The following FGL2 variants were observed in gnomAD, a reference collection of about 807,000 sequenced individuals.
FGL2 encodes fibroleukin.
Under a neutral mutation model 36.0 loss-of-function variants are expected in FGL2, and 21 were observed. That is an observed-to-expected ratio of 0.58 (90% CI 0.41 to 0.84). The LOEUF (loss-of-function observed/expected upper bound fraction) is 0.84, where lower values mean the gene tolerates loss of function less well. Ranked by LOEUF, FGL2 falls within the 40% of genes least tolerant of loss-of-function variation. The probability of loss-of-function intolerance (pLI) is 0.00; values close to 1 mark genes in which losing one functional copy is unlikely to be tolerated. For missense variants in FGL2, 444 were observed against 526.3 expected (o/e 0.84, Z 1.53); for synonymous variants, 183 against 190.7 (o/e 0.96, Z 0.33).
At position 77,194,310 on chromosome 7, in the gene FGL2, T is replaced by C. The variant is rs189744993; in HGVS notation, c.*1969A>G. On this transcript the variant is annotated 3_prime_UTR_variant, in exon 2 of 2. Coordinates refer to ENST00000248598, the MANE Select transcript of FGL2 (RefSeq NM_006682.3). The stretch of plus-strand genomic sequence containing the variant: ...ATGACCTTATCTGAAACAAATACAT[T>C]GTATAATATCAAAACGTTTTTAGTC... The C allele has an allele frequency of 4.5e-4, 68 of 152,170 alleles. 1 individual carries two copies. The highest frequency in any genetic ancestry group is 1.5e-3 in the African/African-American group (63 of 41,570). 9.4% of individuals were successfully genotyped at this position (152,170 alleles called of 1,614,324 possible). A position where few individuals can be genotyped will look rare whatever the true frequency, so the allele number is the denominator to read the frequency against.
intron 1 of FGL2, chr7:77,198,833 G>T: frequency 3.3e-6 from 1 of 302,834 alleles, no homozygotes. Flanking sequence ...TGTGAACATC[G>T]CCTTATCTTT....
At chr7:77,198,393 G>T in intron 1 of FGL2, 3 of 867,212 alleles carry the variant, frequency 3.5e-6, no homozygotes, top group Non-Finnish European at 4.2e-6. Flanking sequence ...AGTGACTCAG[G>T]TGAAAAGCCA....
In FGL2 at chr7:77,195,925, G is replaced by A. The variant is rs3093280; in HGVS notation, c.*354C>T. 3,981 of 188,146 alleles carry A rather than the reference G, an allele frequency of 0.021. 153 individuals carry two copies. Among genetic ancestry groups the A allele is most frequent in the East Asian group, 0.13 (917 of 6,992 alleles). 11.7% of individuals were successfully genotyped at this position (188,146 alleles called of 1,614,324 possible). A position where few individuals can be genotyped will look rare whatever the true frequency, so the allele number is the denominator to read the frequency against. Reference sequence around the variant, plus strand: ...GCCTGCCTTGACATTCCAAAGTGCTGGGATTACAGGCGTGAGCTACCACAC... The same window carrying A: ...GCCTGCCTTGACATTCCAAAGTGCTAGGATTACAGGCGTGAGCTACCACAC... On this transcript the variant is annotated 3_prime_UTR_variant, in exon 2 of 2. Transcript: ENST00000248598.
chr7:77,196,207 CA>C lies in FGL2; in HGVS notation c.*71del. ...TAGCTATGAAAAATATGAAACAAGG[CA>C]TATTCTAAAGTGCTGAAGGAATTAA... On this transcript the variant is annotated 3_prime_UTR_variant, in exon 2 of 2. Coordinates refer to ENST00000248598, the MANE Select transcript of FGL2 (RefSeq NM_006682.3). The surrounding 1 kb of genome is among the most constrained non-coding windows in gnomAD (Gnocchi z 4.2). The C allele has an allele frequency of 1.9e-6, 2 of 1,064,228 alleles. No individual in the cohort carries two copies. The highest frequency in any genetic ancestry group is 2.7e-6 in the Non-Finnish European group (2 of 734,550). 65.9% of individuals were successfully genotyped at this position (1,064,228 alleles called of 1,614,324 possible).
At chr7:77,197,825 G>A (rs911480089) in intron 1 of FGL2, among the ~76,000 whole-genome samples, 1 of 151,992 alleles carries the variant, frequency 6.6e-6, no homozygotes, top group Non-Finnish European at 1.5e-5. Context: ...CACATGTTGG[G>A]TTTCTAGAAA....
chr7:77,195,747 C>G lies in FGL2; in HGVS notation c.*532G>C, dbSNP rs1479065912. On this transcript the variant is annotated 3_prime_UTR_variant, in exon 2 of 2. Coordinates refer to ENST00000248598, the MANE Select transcript of FGL2 (RefSeq NM_006682.3). ...TCTTGGCTCACTGCAACCTCTTCCT[C>G]TCAGGTTCAAGCGATTCTCCTGCCT... The G allele has an allele frequency of 6.5e-6, 1 of 152,724 alleles. No homozygotes were observed. Among genetic ancestry groups the G allele is most frequent in the Non-Finnish European group, 1.5e-5 (1 of 68,468 alleles). The allele number at this position is 152,724 out of a possible 1,614,324, so 9.5% of individuals were successfully genotyped here.
At position 77,196,921 on chromosome 7, in the gene FGL2, G is replaced by T; in HGVS notation, c.678C>A (p.Thr226=). Residue 226 remains threonine (T), a synonymous_variant, in exon 2 of 2, where the codon ACC becomes ACA. Transcript: ENST00000248598. The surrounding 1 kb of genome is among the most constrained non-coding windows in gnomAD (Gnocchi z 4.2). ...TTTTGGGATCAGGTGTAACTCTGTA[G>T]GTCTCACTGCTTCTTTTGCCTATTG... ...YYAIGKRSSE[T]YRVTPDPKNS... 6.2e-7 allele frequency: 1 copy of T among 1,613,714 alleles called. No homozygotes were observed. Among genetic ancestry groups the T allele is most frequent in the African/African-American group, 1.3e-5 (1 of 75,012 alleles).
rs915476971 is a variant in FGL2, at chr7:77,194,378, AT to A, written c.*1900del. The A allele has an allele frequency of 1.1e-4, 17 of 152,092 alleles. No individual in the cohort carries two copies. The highest frequency in any genetic ancestry group is 3.9e-4 in the African/African-American group (16 of 41,450). The allele number at this position is 152,092 out of a possible 1,614,324, so 9.4% of individuals were successfully genotyped here. ...AGTAAAAAACAACGTCAGTTACATC[AT>A]TTACATTTGGTATCCCACCTAATAG... On this transcript the variant is annotated 3_prime_UTR_variant, in exon 2 of 2. Coordinates refer to ENST00000248598, the MANE Select transcript of FGL2 (RefSeq NM_006682.3).
chr7:77,196,822 A>G lies in FGL2; in HGVS notation c.777T>C (p.Asp259=), dbSNP rs778428328. ...GGWTVLQARL[D]GSTNFTRTWQ... is the part of the protein sequence containing the mutation. ...ATGTTCTGGTGAAGTTGGTGCTCCC[A>G]TCGAGACGTGCCTGCAGCACTGTCC... Residue 259 remains aspartate (D), a synonymous_variant, in exon 2 of 2, where the codon GAT becomes GAC. Coordinates refer to ENST00000248598, the MANE Select transcript of FGL2 (RefSeq NM_006682.3). This position sits in a 1 kb window ranked among gnomAD's most constrained non-coding sequence, Gnocchi z 4.2. 1.4e-5 allele frequency: 22 copies of G among 1,614,074 alleles called. No individual in the cohort carries two copies. Among genetic ancestry groups the G allele is most frequent in the Non-Finnish European group, 1.9e-5 (22 of 1,180,014 alleles).
At chr7:77,197,307 A>C (rs1791892686) in intron 1 of FGL2, among the ~76,000 whole-genome samples, 1 of 152,266 alleles carries the variant, frequency 6.6e-6, no homozygotes, top group East Asian at 1.9e-4. Flanking sequence ...CGTTCTAGGC[A>C]TGCTGCCAGA....
rs1791812028 is a variant in FGL2 at position 77,193,692 on chromosome 7, T to C, written c.*2587A>G. ...TACTATTATCAGTAAAATTTGATTTTTTTTTCCCCTCAGTCATAGGTAAAT... is the reference window on the plus strand; with the variant it reads ...TACTATTATCAGTAAAATTTGATTTCTTTTTCCCCTCAGTCATAGGTAAAT... On this transcript the variant is annotated 3_prime_UTR_variant, in exon 2 of 2. Coordinates refer to ENST00000248598, the MANE Select transcript of FGL2 (RefSeq NM_006682.3). 1 of 152,144 alleles carries C rather than the reference T, an allele frequency of 6.6e-6. No homozygotes were observed. The allele number at this position is 152,144 out of a possible 1,614,324, so 9.4% of individuals were successfully genotyped here.
In FGL2 at chr7:77,199,178, T is replaced by A. The variant is rs1310107280; in HGVS notation, c.613+3A>T. On this transcript the variant is annotated splice_donor_region_variant and intron_variant, in intron 1 of 1. Coordinates refer to ENST00000248598, the MANE Select transcript of FGL2 (RefSeq NM_006682.3). Reference sequence around the variant, plus strand: ...TATGATAAGAAAACATTATTATACATACCTGGACGTGACTGTATTTGTTCT... The same window carrying A: ...TATGATAAGAAAACATTATTATACAAACCTGGACGTGACTGTATTTGTTCT... The A allele has an allele frequency of 6.2e-7, 1 of 1,611,270 alleles. No homozygotes were observed. Among genetic ancestry groups the A allele is most frequent in the East Asian group, 2.2e-5 (1 of 44,872 alleles).
At position 77,194,785 on chromosome 7, in the gene FGL2, A is replaced by C. The variant is rs2150428487; in HGVS notation, c.*1494T>G. 6.6e-6 allele frequency: 1 copy of C among 152,280 alleles called. No homozygotes were observed. The highest frequency in any genetic ancestry group is 1.9e-4 in the East Asian group (1 of 5,194). The allele number at this position is 152,280 out of a possible 1,614,324, so 9.4% of individuals were successfully genotyped here. ...AATGTTACTCTAGAGCATTTTTAAA[A>C]ATACGCAGAATACTGCTGTTCTCTC... On this transcript the variant is annotated 3_prime_UTR_variant, in exon 2 of 2. Coordinates refer to ENST00000248598, the MANE Select transcript of FGL2 (RefSeq NM_006682.3).
Position 77,194,168 on chromosome 7 carries a change from A to G in FGL2, c.*2111T>C, listed in dbSNP as rs1419527165. ...TACCTAGTTCCCATTAAATTAATGG[A>G]CACCGTGTATATGAGCATATACCTT... On this transcript the variant is annotated 3_prime_UTR_variant, in exon 2 of 2. Transcript: ENST00000248598. 6.6e-6 allele frequency: 1 copy of G among 152,084 alleles called. No homozygotes were observed. The highest frequency in any genetic ancestry group is 1.5e-5 in the Non-Finnish European group (1 of 67,924). The allele number at this position is 152,084 out of a possible 1,614,324, so 9.4% of individuals were successfully genotyped here.
Position 77,196,378 on chromosome 7 carries a change from C to A in FGL2, c.1221G>T (p.Trp407Cys). The change falls in exon 2 of 2, where the codon TGG (tryptophan) becomes TGT (cysteine). Residue 407 changes from tryptophan to cysteine, a missense_variant. Trp to Cys is a radical substitution (Grantham distance 215). Coordinates refer to ENST00000248598, the MANE Select transcript of FGL2 (RefSeq NM_006682.3). The surrounding 1 kb of genome is among the most constrained non-coding windows in gnomAD (Gnocchi z 4.2). ...KYRGVRNGIFWGTWPGVSEAH... is the reference protein window; with the variant it reads ...KYRGVRNGIFCGTWPGVSEAH... ...CCTCACTTACACCAGGCCAGGTACC[C>A]CAGAAAATCCCATTACGGACACCTC... The A allele has an allele frequency of 1.9e-6, 3 of 1,614,092 alleles. No individual in the cohort carries two copies. Among genetic ancestry groups the A allele is most frequent in the Non-Finnish European group, 2.5e-6 (3 of 1,180,012 alleles).
rs1004996529 is a variant in FGL2 at position 77,193,697 on chromosome 7, T to C, written c.*2582A>G. 27 of 152,222 alleles carry C rather than the reference T, an allele frequency of 1.8e-4. No individual in the cohort carries two copies. Among genetic ancestry groups the C allele is most frequent in the African/African-American group, 5.8e-4 (24 of 41,548 alleles). 9.4% of individuals were successfully genotyped at this position (152,222 alleles called of 1,614,324 possible). ...TTATCAGTAAAATTTGATTTTTTTTTCCCCTCAGTCATAGGTAAATCAGCT... is the reference window on the plus strand; with the variant it reads ...TTATCAGTAAAATTTGATTTTTTTTCCCCCTCAGTCATAGGTAAATCAGCT... On this transcript the variant is annotated 3_prime_UTR_variant, in exon 2 of 2. Coordinates refer to ENST00000248598, the MANE Select transcript of FGL2 (RefSeq NM_006682.3).
rs934144357 is a variant in FGL2 at position 77,194,732 on chromosome 7, C to T, written c.*1547G>A. On this transcript the variant is annotated 3_prime_UTR_variant, in exon 2 of 2. Coordinates refer to ENST00000248598, the MANE Select transcript of FGL2 (RefSeq NM_006682.3). The stretch of plus-strand genomic sequence containing the variant: ...GAAATTAAAAAAATTATTTCTAGGA[C>T]TGGCATACACTACAGTGAATTACTT... The T allele has an allele frequency of 6.6e-6, 1 of 152,066 alleles. No homozygotes were observed. Among genetic ancestry groups the T allele is most frequent in the African/African-American group, 2.4e-5 (1 of 41,434 alleles). The allele number at this position is 152,066 out of a possible 1,614,324, so 9.4% of individuals were successfully genotyped here.
intron 1 of FGL2, among the ~76,000 whole-genome samples, chr7:77,197,294 A>G (rs975497595): frequency 5.3e-5 from 8 of 152,226 alleles, no homozygotes; most frequent in African/African-American, 1.7e-4. Context: ...AGGCCTACCT[A>G]TACGTTCTAG....
In FGL2 at chr7:77,196,417, A is replaced by G; in HGVS notation, c.1182T>C (p.Tyr394=). Residue 394 remains tyrosine, a synonymous_variant, in exon 2 of 2, where the codon TAT becomes TAC. Coordinates refer to ENST00000248598, the MANE Select transcript of FGL2 (RefSeq NM_006682.3). This position sits in a 1 kb window ranked among gnomAD's most constrained non-coding sequence, Gnocchi z 4.2. ...TACGGACACCTCTGTATTTTTGGTG[A>G]TAATATTTGCCATTTAAGTTTGCAG... The part of the protein sequence containing the change: ...CLSANLNGKY[Y]HQKYRGVRNG... 2 of 1,614,138 alleles carry G rather than the reference A, an allele frequency of 1.2e-6. No homozygotes were observed. The highest frequency in any genetic ancestry group is 1.7e-6 in the Non-Finnish European group (2 of 1,180,012).
Sources: allele counts gnomAD v4.1 joint callset (sites outside exome capture counted in the v4.1 genomes callset), GRCh38; gene constraint gnomAD v4.1.1; non-coding constraint Gnocchi (gnomAD v3.1); transcripts MANE v1.5; gene names NCBI Gene and HGNC (gene_info 2026-07-23, HGNC 2026-07-21).